Variants in PCDHA6 observed in about 807,000 individuals in gnomAD.
PCDHA6 encodes protocadherin alpha 6.
In PCDHA6, 55 loss-of-function variants were observed where a neutral mutation model predicts 60.3. The observed-to-expected ratio is 0.91, with a 90% CI of 0.73 to 1.14. The LOEUF (loss-of-function observed/expected upper bound fraction) is 1.14, where lower values mean the gene tolerates loss of function less well. Ranked by LOEUF, PCDHA6 falls within the 50% of genes most tolerant of loss-of-function variation. The pLI is 0.00. For synonymous variants in PCDHA6, 652 were observed against 557.9 expected, an observed-to-expected ratio of 1.17 and a Z score of -2.38; for missense variants, 1,327 against 1,256.5, an observed-to-expected ratio of 1.06 and a Z score of -0.85.
chr5:140,993,850 G>A (rs1187946683), intron 3 of PCDHA6, among the ~76,000 whole-genome samples: 2 of 152,144 alleles, frequency 1.3e-5, no homozygotes, highest in African/African-American at 4.8e-5. Context: ...TATGTAGTAG[G>A]CTATGCCATC....
intron 1 of PCDHA6, among the ~76,000 whole-genome samples, chr5:140,887,455 A>T (rs1334702818): frequency 6.6e-6 from 1 of 152,134 alleles, no homozygotes; most frequent in Non-Finnish European, 1.5e-5. Flanking sequence ...ACAGTTTTTT[A>T]AAAGATATAA....
chr5:140,986,792 A>C (rs575794573), intron 3 of PCDHA6, among the ~76,000 whole-genome samples: 1 of 152,220 alleles, frequency 6.6e-6, no homozygotes, highest in Non-Finnish European at 1.5e-5. Context: ...CCACTAAGGC[A>C]GTGAGTCTTA....
chr5:140,927,157 G>A (rs868936673), intron 1 of PCDHA6: 2 of 1,614,144 alleles, frequency 1.2e-6, no homozygotes, highest in South Asian at 2.2e-5. Flanking sequence ...GCTGTGCAGG[G>A]CCAAAGCTGC....
At chr5:140,901,407 G>T (rs2068648687) in intron 1 of PCDHA6, among the ~76,000 whole-genome samples, 2 of 152,130 alleles carry the variant, frequency 1.3e-5, no homozygotes, top group Non-Finnish European at 2.9e-5. Context: ...AGAGATAGGG[G>T]TCTAGTTTCA....
At chr5:140,833,939 G>A (rs1772729050) in intron 1 of PCDHA6, among the ~76,000 whole-genome samples, 1 of 151,992 alleles carries the variant, frequency 6.6e-6, no homozygotes, top group African/African-American at 2.4e-5. Context: ...TGTCACTTAG[G>A]TTTCTATCTT....
rs1554144804 is a variant in PCDHA6, at chr5:140,850,700, C to G, written c.2394+20215C>G. 17 of 1,597,908 alleles carry G rather than the reference C, an allele frequency of 1.1e-5. 1 individual carries two copies. The highest frequency in any genetic ancestry group is 1.7e-5 in the Admixed American group (1 of 59,228). ...CCACCGAGGGCGAGTGCGCGCCTGG[C>G]AAGCCGACGCTGGTGTGTTCTAGCG... On this transcript the variant is annotated intron_variant, in intron 1 of 3. Transcript: ENST00000529310.
rs201991205 is a variant in PCDHA6 at position 140,982,521 on chromosome 5, G to C, written c.2500G>C (p.Gly834Arg). ...TGGCATTCTACGGGCTGGTCCAGGAGGGCCTGATCAGCAGTGGCCAACAGT... is the reference window on the plus strand; with the variant it reads ...TGGCATTCTACGGGCTGGTCCAGGACGGCCTGATCAGCAGTGGCCAACAGT... ...EAGILRAGPG[G>R]PDQQWPTVSS... Residue 834 changes from glycine to arginine, a missense_variant, in exon 3 of 4, where the codon GGG becomes CGG. Gly to Arg is a moderately radical substitution (Grantham distance 125). Coordinates refer to ENST00000529310, the MANE Select transcript of PCDHA6 (RefSeq NM_018909.4). The C allele has an allele frequency of 9.3e-6, 15 of 1,614,216 alleles. No individual in the cohort carries two copies. In the Admixed American group the frequency reaches 2.3e-4, roughly 25 times the overall value.
rs782344407 is a variant in PCDHA6 at position 140,928,808 on chromosome 5, G to T, written c.2395-50141G>T. 3.7e-6 allele frequency: 6 copies of T among 1,614,062 alleles called. No homozygotes were observed. In the Admixed American group the frequency reaches 1.0e-4, roughly 27 times the overall value. The stretch of plus-strand genomic sequence containing the variant: ...AAGCAGAGGGTGGTGGTAGTGGTTC[G>T]GGACCATGGAGACCCACCACTTTCC... On this transcript the variant is annotated intron_variant, in intron 1 of 3. Coordinates refer to ENST00000529310, the MANE Select transcript of PCDHA6 (RefSeq NM_018909.4).
chr5:140,960,892 G>A (rs1401042931), intron 1 of PCDHA6, among the ~76,000 whole-genome samples: 1 of 152,126 alleles, frequency 6.6e-6, no homozygotes, highest in East Asian at 1.9e-4. Flanking sequence ...AATGAATTTG[G>A]GGCATATCTT....
chr5:140,879,491 T>G (rs2153367311), intron 1 of PCDHA6, among the ~76,000 whole-genome samples: 1 of 152,338 alleles, frequency 6.6e-6, no homozygotes. Flanking sequence ...AATATGGGTC[T>G]GGATCTCAGA....
At chr5:140,928,690 A>G in intron 1 of PCDHA6, 3 of 1,614,180 alleles carry the variant, frequency 1.9e-6, no homozygotes, top group Non-Finnish European at 2.5e-6. Flanking sequence ...TTCCTACCAC[A>G]TCTCCCGGGC....
chr5:140,841,115 G>T (rs1777030061), intron 1 of PCDHA6: 4 of 612,976 alleles, frequency 6.5e-6, no homozygotes, highest in Non-Finnish European at 1.1e-5. Flanking sequence ...AGTAATTCAT[G>T]TAATCATTAC....
Position 141,012,278 on chromosome 5 carries a change from G to T in PCDHA6, c.*2341G>T, listed in dbSNP as rs545417237. ...CTGTAAGGATAAAACACGTCATGTG[G>T]ATTCATTTTGAATTGGTGCTATTGG... On this transcript the variant is annotated 3_prime_UTR_variant, in exon 4 of 4. Coordinates refer to ENST00000529310, the MANE Select transcript of PCDHA6 (RefSeq NM_018909.4). The T allele has an allele frequency of 6.5e-6, 1 of 153,848 alleles. No individual in the cohort carries two copies. The highest frequency in any genetic ancestry group is 2.1e-4 in the South Asian group (1 of 4,826). The allele number at this position is 153,848 out of a possible 1,614,324, so 9.5% of individuals were successfully genotyped here.
chr5:140,928,084 C>T (rs782346696), intron 1 of PCDHA6: 2 of 1,614,232 alleles, frequency 1.2e-6, no homozygotes, highest in Non-Finnish European at 1.7e-6. Context: ...CTACAGCCTG[C>T]TGATTGATGG....
intron 1 of PCDHA6, among the ~76,000 whole-genome samples, chr5:140,941,737 T>A (rs1221306435): frequency 3.9e-5 from 6 of 152,234 alleles, no homozygotes; most frequent in Admixed American, 2.0e-4. Context: ...TTCCCCATTA[T>A]CTTATCAGAT....
At chr5:140,958,503 C>T (rs1426161443) in intron 1 of PCDHA6, among the ~76,000 whole-genome samples, 1 of 152,118 alleles carries the variant, frequency 6.6e-6, no homozygotes, top group Non-Finnish European at 1.5e-5. Context: ...TCCTAGGAGG[C>T]ATGGCTGTCC....
At chr5:140,855,432 A>T (rs2043465166) in intron 1 of PCDHA6, among the ~76,000 whole-genome samples, 1 of 150,022 alleles carries the variant, frequency 6.7e-6, no homozygotes, top group Non-Finnish European at 1.5e-5. Context: ...TCTAGTGATG[A>T]CTAGATCTTC....
intron 1 of PCDHA6, among the ~76,000 whole-genome samples, chr5:140,926,033 G>A (rs1554203080): frequency 6.6e-6 from 1 of 152,070 alleles, no homozygotes; most frequent in Non-Finnish European, 1.5e-5. Flanking sequence ...AGTTTGATGC[G>A]GACACTATTC....
Position 140,968,677 on chromosome 5 carries a change from G to A in PCDHA6, c.2395-10272G>A, listed in dbSNP as rs781795184. The A allele has an allele frequency of 5.0e-6, 8 of 1,614,156 alleles. No individual in the cohort carries two copies. In the South Asian group the frequency reaches 8.8e-5, roughly 18 times the overall value. ...ACCTGGACCTCTTTAAGGTAGAGCTGCACACAGGAGAAATTAGGACTACCA... is the reference window on the plus strand; with the variant it reads ...ACCTGGACCTCTTTAAGGTAGAGCTACACACAGGAGAAATTAGGACTACCA... On this transcript the variant is annotated intron_variant, in intron 1 of 3. Coordinates refer to ENST00000529310, the MANE Select transcript of PCDHA6 (RefSeq NM_018909.4).
Sources: allele counts gnomAD v4.1 joint callset (sites outside exome capture counted in the v4.1 genomes callset), GRCh38; gene constraint gnomAD v4.1.1; transcripts MANE v1.5; gene names NCBI Gene and HGNC (gene_info 2026-07-23, HGNC 2026-07-21).